The following HYCC2 variants were observed in gnomAD, a reference collection of about 807,000 sequenced individuals.
The protein encoded by HYCC2 is hyccin PI4KA lipid kinase complex subunit 2.
chr2:200,989,265 C>T, the HYCC2 span, among the ~76,000 whole-genome samples: 1 of 152,068 alleles, frequency 6.6e-6, no homozygotes, highest in Admixed American at 6.5e-5. Context: ...ACCTGTATTG[C>T]CTTGGAAATG....
chr2:201,045,808 A>T, the HYCC2 span, among the ~76,000 whole-genome samples: 1 of 152,186 alleles, frequency 6.6e-6, no homozygotes, highest in Non-Finnish European at 1.5e-5. Context: ...TCTGAATTTT[A>T]ATTTCAAATT....
At chr2:201,040,208 G>A in the HYCC2 span, among the ~76,000 whole-genome samples, 9 of 151,490 alleles carry the variant, frequency 5.9e-5, no homozygotes, top group East Asian at 1.9e-4. Flanking sequence ...AATTACTAGC[G>A]AGCCTATTAA....
At chr2:201,040,171 C>CAAAA in the HYCC2 span, among the ~76,000 whole-genome samples, 1 of 75,442 alleles carries the variant, frequency 1.3e-5, no homozygotes. Context: ...GACTCTGTCT[C>CAAAA]AAAAAAAAAA....
At chr2:201,062,017 A>G in the HYCC2 span, among the ~76,000 whole-genome samples, 1 of 152,138 alleles carries the variant, frequency 6.6e-6, no homozygotes, top group African/African-American at 2.4e-5. Context: ...AGGAGGGAGG[A>G]CTGCTTGAGC....
At chr2:200,997,811 G>A in the HYCC2 span, among the ~76,000 whole-genome samples, 1 of 152,164 alleles carries the variant, frequency 6.6e-6, no homozygotes, top group African/African-American at 2.4e-5. Flanking sequence ...GCCGAAGTGG[G>A]TGGATCACAA....
the HYCC2 span, among the ~76,000 whole-genome samples, chr2:201,049,444 G>C: frequency 1.3e-5 from 2 of 151,928 alleles, no homozygotes; most frequent in Admixed American, 6.6e-5. Context: ...CCGCCTCCCG[G>C]GGTTCAAAAG....
the HYCC2 span, among the ~76,000 whole-genome samples, chr2:201,048,819 T>C: frequency 6.6e-6 from 1 of 152,260 alleles, no homozygotes; most frequent in East Asian, 1.9e-4. Context: ...AACTTATATG[T>C]ACCCAGTAAC....
the HYCC2 span, among the ~76,000 whole-genome samples, chr2:201,051,559 T>C: frequency 6.6e-6 from 1 of 152,152 alleles, no homozygotes; most frequent in East Asian, 1.9e-4. Flanking sequence ...CAGCCACAAA[T>C]TTTTAAAAAT....
the HYCC2 span, among the ~76,000 whole-genome samples, chr2:201,057,781 T>C: frequency 1.3e-5 from 2 of 151,982 alleles, no homozygotes; most frequent in Non-Finnish European, 2.9e-5. Context: ...CTGCTGGCAT[T>C]GACCTTACAG....
the HYCC2 span, among the ~76,000 whole-genome samples, chr2:201,043,138 C>T: frequency 2.0e-5 from 3 of 152,264 alleles, no homozygotes; most frequent in South Asian, 2.1e-4. Flanking sequence ...CCCCCAACCC[C>T]GTGCTCTCTG....
the HYCC2 span, among the ~76,000 whole-genome samples, chr2:200,997,861 C>A: frequency 6.6e-6 from 1 of 152,140 alleles, no homozygotes; most frequent in East Asian, 1.9e-4. Context: ...CACGGTGAAA[C>A]CCCGTCTCTA....
At chr2:201,023,105 T>C in the HYCC2 span, among the ~76,000 whole-genome samples, 1 of 152,252 alleles carries the variant, frequency 6.6e-6, no homozygotes, top group East Asian at 1.9e-4. Flanking sequence ...TCCCAGCAGT[T>C]TGGGAGGTCA....
the HYCC2 span, among the ~76,000 whole-genome samples, chr2:200,993,959 G>C: frequency 6.6e-6 from 1 of 151,918 alleles, no homozygotes; most frequent in Non-Finnish European, 1.5e-5. Flanking sequence ...GACAGAGTGA[G>C]ACTCTGTCTC....
the HYCC2 span, among the ~76,000 whole-genome samples, chr2:201,038,442 A>G: frequency 1.1e-4 from 16 of 152,184 alleles, 1 homozygote; most frequent in Admixed American, 3.3e-4. Context: ...ACACATTCAC[A>G]TGTATGTTTA....
chr2:201,010,475 T>C, the HYCC2 span, among the ~76,000 whole-genome samples: 1 of 152,202 alleles, frequency 6.6e-6, no homozygotes, highest in South Asian at 2.1e-4. Context: ...TCTTATTGGA[T>C]TTTACTTAAA....
chr2:201,008,459 G>A, the HYCC2 span, among the ~76,000 whole-genome samples: 1 of 152,128 alleles, frequency 6.6e-6, no homozygotes, highest in Admixed American at 6.5e-5. Context: ...TAACTACTAA[G>A]TGTAAGTTAA....
the HYCC2 span, chr2:201,045,702 G>A: frequency 1.3e-5 from 5 of 390,296 alleles, no homozygotes; most frequent in Non-Finnish European, 1.8e-5. Flanking sequence ...CTAATTTTAA[G>A]AAATAATTAT....
At chr2:201,042,938 C>T in the HYCC2 span, among the ~76,000 whole-genome samples, 1 of 152,114 alleles carries the variant, frequency 6.6e-6, no homozygotes, top group African/African-American at 2.4e-5. Context: ...GAGGTGTACC[C>T]AACAGCTCAT....
chr2:201,056,773 T>C, the HYCC2 span, among the ~76,000 whole-genome samples: 3 of 151,978 alleles, frequency 2.0e-5, no homozygotes, highest in Non-Finnish European at 4.4e-5. Flanking sequence ...AAAGTAGCTG[T>C]ATAAAGCTAC....
Sources: allele counts gnomAD v4.1 joint callset (sites outside exome capture counted in the v4.1 genomes callset), GRCh38; gene constraint gnomAD v4.1.1; transcripts MANE v1.5; gene names NCBI Gene and HGNC (gene_info 2026-07-23, HGNC 2026-07-21).